Variants in ZDHHC16 observed in about 807,000 individuals in gnomAD.
ZDHHC16 encodes palmitoyltransferase ZDHHC16.
A neutral mutation model predicts 54.4 loss-of-function variants in ZDHHC16; 33 were observed. The observed-to-expected ratio is 0.61, with a 90% CI of 0.46 to 0.81. ZDHHC16 has a LOEUF of 0.81. Ranked by LOEUF, ZDHHC16 falls within the 30% of genes least tolerant of loss-of-function variation. ZDHHC16 has a pLI of 0.00. For synonymous variants in ZDHHC16, 185 were observed against 182.1 expected (o/e 1.02, Z -0.13); for missense variants, 420 against 485.9 (o/e 0.86, Z 1.28).
chr10:97,451,757 T>TG lies in ZDHHC16; in HGVS notation c.83dup (p.Cys28TrpfsTer31). 6.2e-7 allele frequency: 1 copy of TG among 1,614,018 alleles called. No homozygotes were observed. Among genetic ancestry groups the TG allele is most frequent in the Non-Finnish European group, 8.5e-7 (1 of 1,180,028 alleles). On this transcript the variant is annotated frameshift_variant, in exon 3 of 12. Coordinates refer to ENST00000393760, the MANE Select transcript of ZDHHC16 (RefSeq NM_198046.3). LOFTEE classifies it high-confidence loss of function. The stretch of plus-strand genomic sequence containing the variant: ...TCTGCTGCTGGGTTACAGGCGCCGC[T>TG]GTCCACCTCTACTCCGGGGTCTAGT...
At chr10:97,453,109 C>A (rs955340826) in intron 6 of ZDHHC16, among the ~76,000 whole-genome samples, 186 bp downstream of exon 6, 2 of 152,186 alleles carry the variant, frequency 1.3e-5, no homozygotes, top group Non-Finnish European at 2.9e-5. Flanking sequence ...AGCAGGGAAT[C>A]TTTTAACACC....
chr10:97,454,622 G>GGTGCT, intron 8 of ZDHHC16, 92 bp from the exon 9 acceptor site: 1 of 1,197,208 alleles, frequency 8.4e-7, no homozygotes, highest in African/African-American at 1.5e-5. Flanking sequence ...TTCTCTGCCT[G>GGTGCT]GATTTGGATC....
chr10:97,451,162 G>A, intron 2 of ZDHHC16: 1 of 156,586 alleles, frequency 6.4e-6, no homozygotes. Context: ...TCTTCCATTG[G>A]CTGTTCTTTG....
intron 8 of ZDHHC16, among the ~76,000 whole-genome samples, chr10:97,454,340 C>T (rs1287215033): frequency 2.0e-5 from 3 of 152,224 alleles, no homozygotes; most frequent in African/African-American, 4.8e-5. Context: ...GTGGTTTTCC[C>T]CACTCCAGTC....
In ZDHHC16 at chr10:97,454,696, G is replaced by C; in HGVS notation, c.739-18G>C. 1.2e-6 allele frequency: 2 copies of C among 1,612,566 alleles called. No homozygotes were observed. Among genetic ancestry groups the C allele is most frequent in the Non-Finnish European group, 1.7e-6 (2 of 1,178,584 alleles). The stretch of plus-strand genomic sequence containing the variant: ...CCCACAGAGCAAATGAGCCAGCTTT[G>C]CTGTTTTCTTTTTCTAGACTTATCA... On this transcript the variant is annotated intron_variant, in intron 8 of 11. Coordinates refer to ENST00000393760, the MANE Select transcript of ZDHHC16 (RefSeq NM_198046.3).
chr10:97,453,900 T>C (rs1389508611), intron 8 of ZDHHC16, 54 bp downstream of exon 8: 10 of 1,611,836 alleles, frequency 6.2e-6, no homozygotes, highest in Non-Finnish European at 7.6e-6. Flanking sequence ...GGGTATAGAG[T>C]TGCTAAGGCA....
At chr10:97,446,633 G>A (rs1846063576) in intron 1 of ZDHHC16, among the ~76,000 whole-genome samples, 1 of 152,238 alleles carries the variant, frequency 6.6e-6, no homozygotes, top group Non-Finnish European at 1.5e-5. Flanking sequence ...AGTTAAGATA[G>A]AGCCCAAACT....
rs1373640294 is a variant in ZDHHC16, at chr10:97,452,519, G to T, written c.527+16G>T. ...TCTGCAACAGGTGGGTCTTGGCTTT[G>T]CTCTCTGGGAATCCCAGCTGTGGTC... On this transcript the variant is annotated intron_variant, in intron 5 of 11. Transcript: ENST00000393760. 45 of 1,611,464 alleles carry T rather than the reference G, an allele frequency of 2.8e-5. No individual in the cohort carries two copies. Among genetic ancestry groups the T allele is most frequent in the Non-Finnish European group, 3.8e-5 (45 of 1,178,640 alleles).
rs770512847 is a variant in ZDHHC16, at chr10:97,457,011, G to T, written c.*120G>T. On this transcript the variant is annotated 3_prime_UTR_variant, in exon 12 of 12. Coordinates refer to ENST00000393760, the MANE Select transcript of ZDHHC16 (RefSeq NM_198046.3). ...AAAAGAGCCAGTGGGCCTGCCTTAG[G>T]GTACCATGCAGGACAATTCAAGGAC... The T allele has an allele frequency of 7.1e-6, 5 of 707,294 alleles. No homozygotes were observed. The highest frequency in any genetic ancestry group is 6.7e-6 in the Non-Finnish European group (3 of 447,284). The allele number at this position is 707,294 out of a possible 1,614,324, so 43.8% of individuals were successfully genotyped here.
In ZDHHC16 at chr10:97,454,767, C is replaced by G. The variant is rs1411530130; in HGVS notation, c.792C>G (p.His264Gln). The G allele has an allele frequency of 6.2e-7, 1 of 1,614,184 alleles. No homozygotes were observed. The highest frequency in any genetic ancestry group is 8.5e-7 in the Non-Finnish European group (1 of 1,180,034). ...PTFSFRERMTHKSLVYLWFLC... is the reference protein window; with the variant it reads ...PTFSFRERMTQKSLVYLWFLC... ...TCTCCTTTCGAGAAAGGATGACTCA[C>G]AAGAGTCTTGTCTACCTCTGGTTCC... Residue 264 changes from histidine (H) to glutamine (Q), a missense_variant, in exon 9 of 12, where the codon CAC (histidine) becomes CAG (glutamine). Coordinates refer to ENST00000393760, the MANE Select transcript of ZDHHC16 (RefSeq NM_198046.3).
chr10:97,454,766 A>C lies in ZDHHC16; in HGVS notation c.791A>C (p.His264Pro), dbSNP rs753780768. The change falls in exon 9 of 12, where the codon CAC (histidine) becomes CCC (proline). Residue 264 changes from histidine (H) to proline (P), a missense_variant. By Grantham distance (77) the His-to-Pro change is moderately conservative (BLOSUM62 -2). Coordinates refer to ENST00000393760, the MANE Select transcript of ZDHHC16 (RefSeq NM_198046.3). Reference sequence around the variant, plus strand: ...TTCTCCTTTCGAGAAAGGATGACTCACAAGAGTCTTGTCTACCTCTGGTTC... The same window carrying C: ...TTCTCCTTTCGAGAAAGGATGACTCCCAAGAGTCTTGTCTACCTCTGGTTC... ...PTFSFRERMT[H>P]KSLVYLWFLC... 1 of 1,614,156 alleles carries C rather than the reference A, an allele frequency of 6.2e-7. No homozygotes were observed. Among genetic ancestry groups the C allele is most frequent in the Admixed American group, 1.7e-5 (1 of 60,024 alleles).
rs759902253 is a variant in ZDHHC16 at position 97,451,852 on chromosome 10, C to G, written c.177C>G (p.Thr59=). 5 of 1,614,178 alleles carry G rather than the reference C, an allele frequency of 3.1e-6. No individual in the cohort carries two copies. The highest frequency in any genetic ancestry group is 4.2e-6 in the Non-Finnish European group (5 of 1,180,026). ...ACAACTCCTTTGGGGGCAGTGACAC[C>G]GCTGTTGATGCTGCCTTTGAGCCTG... ...LLYNSFGGSD[T]AVDAAFEPVY... is the part of the protein sequence containing the mutation. The change falls in exon 3 of 12, where the codon ACC becomes ACG. Residue 59 remains threonine (T), a synonymous_variant. Coordinates refer to ENST00000393760, the MANE Select transcript of ZDHHC16 (RefSeq NM_198046.3).
At position 97,451,720 on chromosome 10, in the gene ZDHHC16, C is replaced by T. The variant is rs150754407; in HGVS notation, c.45C>T (p.Cys15=). The change falls in exon 3 of 12, where the codon TGC becomes TGT. Residue 15 remains cysteine (C), a synonymous_variant. Transcript: ENST00000393760. The stretch of plus-strand genomic sequence containing the variant: ...TGCTGCTGGGCCCGGCCCGCCTCTG[C>T]CTCCGCCTCCTTCTGCTGCTGGGTT... ...RSLLLGPARL[C]LRLLLLLGYR... is the part of the protein sequence containing the mutation. 1.0e-4 allele frequency: 165 copies of T among 1,613,160 alleles called. No homozygotes were observed. In the East Asian group the frequency reaches 2.8e-3, roughly 28 times the overall value.
intron 8 of ZDHHC16, among the ~76,000 whole-genome samples, 186 bp from the exon 9 acceptor site, chr10:97,454,528 A>G (rs1846979654): frequency 6.6e-6 from 1 of 152,136 alleles, no homozygotes; most frequent in Non-Finnish European, 1.5e-5. Context: ...TCTGCTGCCC[A>G]GTGTTTGTCC....
chr10:97,456,236 A>G (rs1847169749), intron 11 of ZDHHC16, 192 bp downstream of exon 11: 2 of 578,018 alleles, frequency 3.5e-6, no homozygotes, highest in Admixed American at 6.8e-5. Flanking sequence ...TAAGTAACAG[A>G]TGAGGCTTCA....
In ZDHHC16 at chr10:97,451,739, C is replaced by T. The variant is rs986072823; in HGVS notation, c.64C>T (p.Leu22=). 1.9e-6 allele frequency: 3 copies of T among 1,613,692 alleles called. No homozygotes were observed. Among genetic ancestry groups the T allele is most frequent in the African/African-American group, 1.3e-5 (1 of 74,930 alleles). Residue 22 remains leucine (L), a synonymous_variant, in exon 3 of 12, where the codon CTG becomes TTG. Transcript: ENST00000393760. The stretch of plus-strand genomic sequence containing the variant: ...CCTCTGCCTCCGCCTCCTTCTGCTG[C>T]TGGGTTACAGGCGCCGCTGTCCACC... ...ARLCLRLLLL[L]GYRRRCPPLL...
chr10:97,454,671 C>T, intron 8 of ZDHHC16, 43 bp from the exon 9 acceptor site: 1 of 1,564,556 alleles, frequency 6.4e-7, no homozygotes, highest in Non-Finnish European at 8.8e-7. Context: ...TTGCTGGAGA[C>T]CCACAGAGCA....
Position 97,452,369 on chromosome 10 carries a change from G to C in ZDHHC16, c.439-46G>C, listed in dbSNP as rs1163664750. 1.5e-5 allele frequency: 24 copies of C among 1,611,814 alleles called. No homozygotes were observed. In the Admixed American group the frequency reaches 4.0e-4, roughly 27 times the overall value. On this transcript the variant is annotated intron_variant, in intron 4 of 11. Coordinates refer to ENST00000393760, the MANE Select transcript of ZDHHC16 (RefSeq NM_198046.3). ...GGGGAGAGTATCTTGGTATAGTTTT[G>C]AGAGACAGAACTGGTGCTGCCACGT...
intron 5 of ZDHHC16, 102 bp downstream of exon 5, chr10:97,452,605 A>ATG: frequency 7.8e-7 from 1 of 1,284,524 alleles, no homozygotes; most frequent in Non-Finnish European, 1.1e-6. Context: ...TGAATCACCC[A>ATG]TCGTGTCCCA....
Sources: gnomAD v4.1 joint callset for allele counts (sites outside exome capture counted in the v4.1 genomes callset) on GRCh38, gnomAD v4.1.1 for gene constraint, MANE v1.5 for transcripts, NCBI Gene and HGNC (gene_info 2026-07-23, HGNC 2026-07-21) for gene names.